LGALS8: variants seen among roughly 807,000 people sequenced by gnomAD.
LGALS8 encodes the protein galectin-8.
Under a neutral mutation model 35.9 loss-of-function variants are expected in LGALS8, and 30 were observed. The ratio of observed to expected loss-of-function variants is 0.83; its 90% CI spans 0.62 to 1.13. LGALS8 has a LOEUF of 1.13. Among genes scored for constraint, LGALS8 ranks in the 50% most tolerant of loss-of-function variants. The pLI, the probability that LGALS8 is intolerant of heterozygous loss-of-function variation, is 0.00. For missense variants in LGALS8, 366 were observed against 388.7 expected (o/e 0.94, Z 0.49); for synonymous variants, 138 against 136.1 (o/e 1.01, Z -0.10).
At chr1:236,540,535 G>C (rs753890119) in intron 4 of LGALS8, 29 bp from the exon 5 acceptor site, 34 of 1,513,802 alleles carry the variant, frequency 2.2e-5, no homozygotes, top group African/African-American at 5.7e-5. Flanking sequence ...TTGGTGGCGG[G>C]GGGGGCTCTG....
chr1:236,542,778 G>A lies in LGALS8; in HGVS notation c.540G>A (p.Thr180=), dbSNP rs200535458. ...ISRENVPKSG[T]PQLRLPFAAR... ...TCCAATAGGTTCCAAAGTCTGGCAC[G>A]CCCCAGCTTGTGAGTATTTTTGCCT... is the stretch of plus-strand genomic sequence containing the variant. Residue 180 remains threonine (T), a synonymous_variant, in exon 7 of 10, where the codon ACG becomes ACA. Coordinates refer to ENST00000366584, the MANE Select transcript of LGALS8 (RefSeq NM_201544.4). 131 of 1,613,962 alleles carry A rather than the reference G, an allele frequency of 8.1e-5. 1 individual carries two copies. The Middle Eastern group carries it at 8.2e-4, about 10-fold the overall frequency.
At chr1:236,539,979 G>A (rs1048042982) in intron 4 of LGALS8, 1 of 24,788 alleles carries the variant, frequency 4.0e-5, no homozygotes, top group African/African-American at 9.5e-5. Flanking sequence ...GAGGGAGGGA[G>A]GAGGAGCCTC....
rs1173159090 is a variant in LGALS8, at chr1:236,551,895, A to G, written c.*3734A>G. On this transcript the variant is annotated 3_prime_UTR_variant, in exon 10 of 10. Transcript: ENST00000366584. ...CTGTATGAGGACTGGATCAACTGCT[A>G]GTCACGTTATATCCAAATCTGCATT... 1.3e-6 allele frequency: 1 copy of G among 757,836 alleles called. No homozygotes were observed. The highest frequency in any genetic ancestry group is 2.3e-6 in the Non-Finnish European group (1 of 440,374). The allele number at this position is 757,836 out of a possible 1,614,324, so 46.9% of individuals were successfully genotyped here. A position where few individuals can be genotyped will look rare whatever the true frequency, so the allele number is the denominator to read the frequency against.
intron 2 of LGALS8, among the ~76,000 whole-genome samples, chr1:236,530,669 AG>A (rs1196195278): frequency 6.6e-6 from 1 of 152,218 alleles, no homozygotes; most frequent in Non-Finnish European, 1.5e-5. Context: ...TTTCTGCAGC[AG>A]GATCCTTCTG....
intron 3 of LGALS8, among the ~76,000 whole-genome samples, chr1:236,538,268 C>T (rs1443516257): frequency 2.6e-5 from 4 of 152,014 alleles, no homozygotes; most frequent in African/African-American, 9.7e-5. Context: ...TTGGGCTCAG[C>T]TCTGTGTACC....
rs1198793513 is a variant in LGALS8, at chr1:236,537,484, T to A, written c.46-13T>A. On this transcript the variant is annotated splice_polypyrimidine_tract_variant and intron_variant, in intron 2 of 9. Coordinates refer to ENST00000366584, the MANE Select transcript of LGALS8 (RefSeq NM_201544.4). ...TTTATGTAAACGTACATTTGTTAAA[T>A]TTTTTTTCTTAGGTAATCCCGTTTG... The A allele has an allele frequency of 6.6e-7, 1 of 1,526,500 alleles. No individual in the cohort carries two copies. 94.6% of individuals were successfully genotyped at this position (1,526,500 alleles called of 1,614,324 possible).
chr1:236,545,009 A>ACTCC, intron 9 of LGALS8, 94 bp downstream of exon 9: 1 of 965,182 alleles, frequency 1.0e-6, no homozygotes, highest in Admixed American at 2.5e-5. Context: ...CTAACTCAGT[A>ACTCC]TGTGGAAGTT....
At position 236,551,170 on chromosome 1, in the gene LGALS8, C is replaced by T. The variant is rs138650493; in HGVS notation, c.*3009C>T. Reference sequence around the variant, plus strand: ...CCGCCTCCCTCCACACCGCTCCTTCCGCCTTCATTCCTTGCCCACAGGCTT... The same window carrying T: ...CCGCCTCCCTCCACACCGCTCCTTCTGCCTTCATTCCTTGCCCACAGGCTT... On this transcript the variant is annotated 3_prime_UTR_variant, in exon 10 of 10. Coordinates refer to ENST00000366584, the MANE Select transcript of LGALS8 (RefSeq NM_201544.4). 46 of 554,174 alleles carry T rather than the reference C, an allele frequency of 8.3e-5. No homozygotes were observed. The East Asian group carries it at 1.2e-3, about 14-fold the overall frequency. The allele number at this position is 554,174 out of a possible 1,614,324, so 34.3% of individuals were successfully genotyped here.
chr1:236,552,098 C>T lies in LGALS8; in HGVS notation c.*3937C>T. 2.5e-6 allele frequency: 4 copies of T among 1,606,344 alleles called. No homozygotes were observed. The highest frequency in any genetic ancestry group is 3.4e-6 in the Non-Finnish European group (4 of 1,174,124). ...AGTGCTAACACAGTAATCAAAGCAG[C>T]AAATCGAACCTGAAAGGGATAAAAG... On this transcript the variant is annotated 3_prime_UTR_variant, in exon 10 of 10. Transcript: ENST00000366584.
At chr1:236,528,112 G>A (rs934229893) in intron 2 of LGALS8, among the ~76,000 whole-genome samples, 1 of 152,088 alleles carries the variant, frequency 6.6e-6, no homozygotes, top group African/African-American at 2.4e-5. Context: ...GCTGGGCATG[G>A]TGGCTCACAC....
At chr1:236,546,963 GA>G (rs1422723122) in intron 9 of LGALS8, among the ~76,000 whole-genome samples, 1 of 152,070 alleles carries the variant, frequency 6.6e-6, no homozygotes, top group Non-Finnish European at 1.5e-5. Context: ...GACTTGGGCT[GA>G]AATTTCCTCC....
At chr1:236,533,339 C>CTTTT (rs139389436) in intron 2 of LGALS8, among the ~76,000 whole-genome samples, 5 of 149,048 alleles carry the variant, frequency 3.4e-5, no homozygotes, top group South Asian at 4.2e-4. Flanking sequence ...CTCCCCCACC[C>CTTTT]TTTTTTTTTT....
Position 236,549,772 on chromosome 1 carries a change from ACT to A in LGALS8, c.*1613_*1614del, listed in dbSNP as rs1662632398. On this transcript the variant is annotated 3_prime_UTR_variant, in exon 10 of 10. Coordinates refer to ENST00000366584, the MANE Select transcript of LGALS8 (RefSeq NM_201544.4). ...GAGGCATTTAGGAAAAAAATAGCCC[ACT>A]CACATCATTCCTTGTAAGTCTTAAG... 1 of 152,166 alleles carries A rather than the reference ACT, an allele frequency of 6.6e-6. No homozygotes were observed. Among genetic ancestry groups the A allele is most frequent in the African/African-American group, 2.4e-5 (1 of 41,440 alleles). 9.4% of individuals were successfully genotyped at this position (152,166 alleles called of 1,614,324 possible). A position where few individuals can be genotyped will look rare whatever the true frequency, so the allele number is the denominator to read the frequency against.
chr1:236,537,216 C>T (rs1486095435), intron 2 of LGALS8, among the ~76,000 whole-genome samples: 3 of 151,738 alleles, frequency 2.0e-5, no homozygotes, highest in South Asian at 4.2e-4. Flanking sequence ...GGGGTTTCAC[C>T]GTGTTAGCCA....
upstream of LGALS8, among the ~76,000 whole-genome samples, chr1:236,521,144 A>G (rs540376710): frequency 6.6e-5 from 10 of 152,370 alleles, no homozygotes; most frequent in Non-Finnish European, 1.2e-4. Context: ...TAGTCTTATG[A>G]TGGGTGAAGT....
intron 2 of LGALS8, among the ~76,000 whole-genome samples, chr1:236,537,082 T>G (rs1440251595): frequency 1.4e-5 from 2 of 146,892 alleles, no homozygotes; most frequent in African/African-American, 5.1e-5. Flanking sequence ...AGTGGCGCGA[T>G]CTCGGCTCAC....
At chr1:236,541,528 T>G (rs1262733399) in intron 5 of LGALS8, 126 bp from the exon 6 acceptor site, 1 of 568,552 alleles carries the variant, frequency 1.8e-6, no homozygotes, top group South Asian at 2.5e-5. Context: ...GTCAAGTGTA[T>G]TTTTGGATCA....
chr1:236,527,732 AT>A (rs200483025), intron 2 of LGALS8, among the ~76,000 whole-genome samples: 113 of 149,660 alleles, frequency 7.6e-4, no homozygotes, highest in South Asian at 1.5e-3. Flanking sequence ...TATTCAATTA[AT>A]TTTTTTTTTT....
At chr1:236,525,145 C>T (rs2853622) in intron 1 of LGALS8, among the ~76,000 whole-genome samples, 100,985 of 151,942 alleles carry the variant, frequency 0.66, 34,025 homozygotes, top group Non-Finnish European at 0.71. Context: ...CAGAGAAAAC[C>T]GTATCTTAAT....
Sources: gnomAD v4.1 joint callset for allele counts (sites outside exome capture counted in the v4.1 genomes callset) on GRCh38, gnomAD v4.1.1 for gene constraint, MANE v1.5 for transcripts, NCBI Gene and HGNC (gene_info 2026-07-23, HGNC 2026-07-21) for gene names.